Variants in EXOC4 observed in about 807,000 individuals in gnomAD.
EXOC4 encodes exocyst complex component 4, also known as SEC8-like 1.
A neutral mutation model predicts 107.2 loss-of-function variants in EXOC4; 71 were observed. That is an observed-to-expected ratio of 0.66 (90% CI 0.55 to 0.81). EXOC4 has a LOEUF of 0.81. EXOC4 is among the 30% of genes least tolerant of loss of function. The pLI is 0.00. For synonymous variants in EXOC4, 456 were observed against 441.2 expected (o/e 1.03, Z -0.42); for missense variants, 1,108 against 1,189.6 (o/e 0.93, Z 1.01).
chr7:133,778,361 A>T (rs2542256), intron 10 of EXOC4, among the ~76,000 whole-genome samples: 127,428 of 152,144 alleles, frequency 0.84, 53,806 homozygotes, highest in East Asian at 0.99. Context: ...GAAGAGAGAC[A>T]GGAGGATCAC....
At chr7:133,593,908 T>C (rs1801605894) in intron 9 of EXOC4, among the ~76,000 whole-genome samples, 1 of 152,214 alleles carries the variant, frequency 6.6e-6, no homozygotes, top group Admixed American at 6.5e-5. Flanking sequence ...ACACATTTTA[T>C]GTAGTTATGT....
At chr7:133,860,093 G>C (rs759270989) in intron 11 of EXOC4, among the ~76,000 whole-genome samples, 4 of 152,132 alleles carry the variant, frequency 2.6e-5, no homozygotes, top group Non-Finnish European at 5.9e-5. Context: ...ATGCAGTTTT[G>C]TTTTTAGATA....
chr7:133,295,887 A>G (rs1201652493), intron 3 of EXOC4, among the ~76,000 whole-genome samples: 1 of 152,158 alleles, frequency 6.6e-6, no homozygotes, highest in Non-Finnish European at 1.5e-5. Context: ...ATCGATGTGA[A>G]AGCTCTGTAG....
At chr7:133,702,506 A>G (rs981359262) in intron 10 of EXOC4, among the ~76,000 whole-genome samples, 4 of 144,446 alleles carry the variant, frequency 2.8e-5, no homozygotes, top group African/African-American at 5.1e-5. Context: ...CTTCCAGCCA[A>G]TTTTTTTTTT....
chr7:133,926,120 A>G (rs1449887644), intron 13 of EXOC4, among the ~76,000 whole-genome samples: 1 of 152,058 alleles, frequency 6.6e-6, no homozygotes, highest in Non-Finnish European at 1.5e-5. Flanking sequence ...AAGAGTGGTC[A>G]GTGCCTGGCA....
At chr7:133,816,859 G>A (rs887989238) in intron 10 of EXOC4, among the ~76,000 whole-genome samples, 5 of 152,172 alleles carry the variant, frequency 3.3e-5, no homozygotes, top group Admixed American at 1.3e-4. Flanking sequence ...TCGCCCAGCT[G>A]GCTGCTCACC....
intron 7 of EXOC4, among the ~76,000 whole-genome samples, chr7:133,403,954 C>CT (rs1797150839): frequency 6.6e-6 from 1 of 152,144 alleles, no homozygotes; most frequent in African/African-American, 2.4e-5. Context: ...CTGTCTCTCT[C>CT]TAAGACCACA....
intron 7 of EXOC4, among the ~76,000 whole-genome samples, chr7:133,402,884 T>G (rs935440136): frequency 9.2e-5 from 13 of 140,808 alleles, no homozygotes; most frequent in African/African-American, 2.3e-4. Context: ...GCCTAATATT[T>G]TTTTTTTTTT....
chr7:133,810,858 C>T (rs912730134), intron 10 of EXOC4, among the ~76,000 whole-genome samples: 2 of 152,038 alleles, frequency 1.3e-5, no homozygotes, highest in Admixed American at 6.6e-5. Context: ...TGGTCTCGAT[C>T]TCCTGACCTC....
chr7:133,639,120 T>C (rs947641711), intron 10 of EXOC4, among the ~76,000 whole-genome samples: 13 of 152,222 alleles, frequency 8.5e-5, no homozygotes, highest in African/African-American at 3.1e-4. Context: ...TAATTTGGTG[T>C]TAAAAATAAC....
chr7:133,281,167 A>G (rs1772680525), intron 2 of EXOC4, among the ~76,000 whole-genome samples: 4 of 152,176 alleles, frequency 2.6e-5, no homozygotes, highest in Admixed American at 2.6e-4. Context: ...GATGATTTGT[A>G]GTTCTAAAAG....
At chr7:133,397,162 CT>C (rs1796988371) in intron 7 of EXOC4, among the ~76,000 whole-genome samples, 1 of 147,212 alleles carries the variant, frequency 6.8e-6, no homozygotes, top group Non-Finnish European at 1.5e-5. Context: ...GAATTTCGCT[CT>C]TGTTGCCCAG....
rs1426148834 is a variant in EXOC4 at position 133,917,726 on chromosome 7, A to G, written c.2015A>G (p.Glu672Gly). The G allele has an allele frequency of 6.2e-7, 1 of 1,614,094 alleles. No homozygotes were observed. Among genetic ancestry groups the G allele is most frequent in the African/African-American group, 1.3e-5 (1 of 75,056 alleles). The change falls in exon 13 of 18, where the codon GAA becomes GGA. Residue 672 changes from glutamate (E) to glycine (G), a missense_variant. Transcript: ENST00000253861. ...KQLRPKREEE[E>G]DFIRAAFGKE... Reference sequence around the variant, plus strand: ...CTGAGGCCAAAAAGAGAGGAGGAAGAAGATTTCATAAGGTAAAAGGTCCAT... The same window carrying G: ...CTGAGGCCAAAAAGAGAGGAGGAAGGAGATTTCATAAGGTAAAAGGTCCAT...
intron 5 of EXOC4, among the ~76,000 whole-genome samples, chr7:133,341,483 C>T (rs1391673207): frequency 6.6e-6 from 1 of 152,084 alleles, no homozygotes; most frequent in Non-Finnish European, 1.5e-5. Context: ...TTTCCACGTA[C>T]CAGTGAATAG....
Position 133,292,081 on chromosome 7 carries a change from A to G in EXOC4, c.471+2965A>G, listed in dbSNP as rs182314205. Among the ~76,000 whole-genome samples the G allele has an allele frequency of 2.3e-3, 350 of 152,302 alleles. 2 individuals are homozygous for G. The highest frequency in any genetic ancestry group is 3.4e-3 in the Non-Finnish European group (229 of 68,022). ...TCTTTGTGGCCAGGCATGGTGGCCC[A>G]CGCCTGTAATCCCAGCACTTTGGGA... is the stretch of plus-strand genomic sequence containing the variant. On this transcript the variant is annotated intron_variant, in intron 3 of 17. Transcript: ENST00000253861.
chr7:133,689,163 T>A (rs1453430950), intron 10 of EXOC4, among the ~76,000 whole-genome samples: 3 of 152,260 alleles, frequency 2.0e-5, no homozygotes, highest in Admixed American at 1.3e-4. Flanking sequence ...TGAAATACTT[T>A]CCCTGACCAA....
At chr7:133,484,456 T>G (rs1286834920) in intron 9 of EXOC4, among the ~76,000 whole-genome samples, 2 of 152,182 alleles carry the variant, frequency 1.3e-5, no homozygotes, top group East Asian at 3.9e-4. Flanking sequence ...AATGAACATT[T>G]TATTTGAATA....
intron 9 of EXOC4, among the ~76,000 whole-genome samples, chr7:133,588,842 A>AT (rs1376065698): frequency 1.3e-5 from 2 of 152,164 alleles, no homozygotes; most frequent in Non-Finnish European, 2.9e-5. Flanking sequence ...CCACCATTGC[A>AT]TGCCAGACTG....
chr7:134,005,494 A>G (rs1479102239), intron 16 of EXOC4, among the ~76,000 whole-genome samples: 1 of 152,198 alleles, frequency 6.6e-6, no homozygotes, highest in Non-Finnish European at 1.5e-5. Context: ...GTTTTCTCAC[A>G]GAATGTTATA....
Sources: gnomAD v4.1 joint callset for allele counts (sites outside exome capture counted in the v4.1 genomes callset) on GRCh38, gnomAD v4.1.1 for gene constraint, MANE v1.5 for transcripts, NCBI Gene and HGNC (gene_info 2026-07-23, HGNC 2026-07-21) for gene names.